KPNA7: variants seen among roughly 807,000 people sequenced by gnomAD.
KPNA7 encodes karyopherin subunit alpha 7, also known as importin subunit alpha-8.
In KPNA7, 54 loss-of-function variants were observed where a neutral mutation model predicts 53.7. The ratio of observed to expected loss-of-function variants is 1.01; its 90% CI spans 0.81 to 1.26. KPNA7 has a LOEUF of 1.26. KPNA7 is among the 50% of genes most tolerant of loss of function. The probability of loss-of-function intolerance (pLI) is 0.00; values close to 1 mark genes in which losing one functional copy is unlikely to be tolerated. For synonymous variants in KPNA7, 276 were observed against 259.3 expected (o/e 1.06, Z -0.62); for missense variants, 640 against 644.5 (o/e 0.99, Z 0.07).
chr7:99,214,327 A>C (rs947539498), intron 1 of KPNA7, among the ~76,000 whole-genome samples: 2 of 151,002 alleles, frequency 1.3e-5, no homozygotes, highest in Non-Finnish European at 2.9e-5. Flanking sequence ...CCTGTAGTCC[A>C]AGCTACTTGG....
chr7:99,167,424 C>T, the KPNA7 span, among the ~76,000 whole-genome samples: 1 of 152,026 alleles, frequency 6.6e-6, no homozygotes, highest in Non-Finnish European at 1.5e-5. Flanking sequence ...GGAGAGAGAA[C>T]CCTATTGTGA....
upstream of KPNA7, among the ~76,000 whole-genome samples, chr7:99,209,682 C>CAAAAAAAAAAAAAAAAAAAA (rs60377276): frequency 1.4e-5 from 1 of 73,520 alleles, no homozygotes. Context: ...GACTCCAACT[C>CAAAAAAAAAAAAAAAAAAAA]AAAAAAAAAA....
chr7:99,207,762 G>C (rs1317916734), intron 1 of KPNA7, among the ~76,000 whole-genome samples: 2 of 149,884 alleles, frequency 1.3e-5, no homozygotes, highest in Non-Finnish European at 3.0e-5. Context: ...CAGCCTCCCA[G>C]GTAGCTGGGA....
chr7:99,189,208 G>A (rs1287123111), intron 6 of KPNA7, among the ~76,000 whole-genome samples: 2 of 152,136 alleles, frequency 1.3e-5, no homozygotes, highest in East Asian at 1.9e-4. Flanking sequence ...CTACTGGCAT[G>A]TCATCCCCAG....
At chr7:99,212,648 C>T (rs117515328), upstream of KPNA7, among the ~76,000 whole-genome samples, 4 of 152,054 alleles carry the variant, frequency 2.6e-5, no homozygotes, top group Non-Finnish European at 4.4e-5. Context: ...ATAGTCTCAA[C>T]GCTTTGGGAG....
chr7:99,171,782 G>A (rs545507999), downstream of KPNA7, among the ~76,000 whole-genome samples: 4 of 152,198 alleles, frequency 2.6e-5, no homozygotes, highest in South Asian at 8.3e-4. Context: ...ACAAGCACAG[G>A]CAGGTGTGAG....
intron 3 of KPNA7, among the ~76,000 whole-genome samples, chr7:99,197,897 G>A (rs1453874570): frequency 1.3e-5 from 2 of 151,910 alleles, no homozygotes; most frequent in Non-Finnish European, 2.9e-5. Flanking sequence ...GAGGGAAAGA[G>A]GCAGAAAGTA....
At chr7:99,160,757 A>G in the KPNA7 span, among the ~76,000 whole-genome samples, 12 of 152,148 alleles carry the variant, frequency 7.9e-5, no homozygotes, top group Non-Finnish European at 1.5e-4. Context: ...GTGGATGAGT[A>G]GGGAAGCCAG....
chr7:99,203,321 T>G (rs570413552), intron 2 of KPNA7, 81 bp from the exon 3 acceptor site: 81 of 1,415,724 alleles, frequency 5.7e-5, no homozygotes, highest in Admixed American at 4.7e-4. Context: ...TTTCAAAGCA[T>G]CCAATTTCAT....
intron 8 of KPNA7, among the ~76,000 whole-genome samples, chr7:99,183,822 G>A (rs919414965): frequency 6.6e-6 from 1 of 152,154 alleles, no homozygotes; most frequent in Non-Finnish European, 1.5e-5. Flanking sequence ...CAAAAGGGGA[G>A]TACAAATCAG....
chr7:99,207,037 C>T (rs183944289), intron 2 of KPNA7, among the ~76,000 whole-genome samples: 94 of 151,182 alleles, frequency 6.2e-4, no homozygotes, highest in African/African-American at 2.1e-3. Context: ...CCCTGCCCCC[C>T]GCTATTTTTT....
chr7:99,199,418 CTG>C (rs1263350577), intron 3 of KPNA7, among the ~76,000 whole-genome samples: 11 of 152,250 alleles, frequency 7.2e-5, no homozygotes, highest in African/African-American at 2.6e-4. Flanking sequence ...TGGAAGAGAA[CTG>C]AGAGTCCACA....
chr7:99,168,750 G>C (rs190233005), downstream of KPNA7, among the ~76,000 whole-genome samples: 3 of 152,132 alleles, frequency 2.0e-5, no homozygotes, highest in Admixed American at 6.6e-5. Context: ...CTTCCACCTC[G>C]GTCTCCTGAG....
chr7:99,146,977 C>T, the KPNA7 span, among the ~76,000 whole-genome samples: 14 of 152,182 alleles, frequency 9.2e-5, no homozygotes, highest in East Asian at 1.9e-4. Flanking sequence ...ATCAAAAAAT[C>T]GTAAGTCAAA....
At chr7:99,172,722 C>A (rs1015354282), downstream of KPNA7, among the ~76,000 whole-genome samples, 2 of 152,094 alleles carry the variant, frequency 1.3e-5, no homozygotes, top group Non-Finnish European at 2.9e-5. Flanking sequence ...GCCAGTAACA[C>A]TGTCCCTGCA....
chr7:99,177,184 G>A (rs1415533629), intron 10 of KPNA7, among the ~76,000 whole-genome samples: 1 of 152,172 alleles, frequency 6.6e-6, no homozygotes. Flanking sequence ...AATTCATAGA[G>A]ACAGAAAGCA....
At chr7:99,210,841 C>T (rs1439685387), upstream of KPNA7, among the ~76,000 whole-genome samples, 1 of 152,014 alleles carries the variant, frequency 6.6e-6, no homozygotes, top group African/African-American at 2.4e-5. Flanking sequence ...CCCCCTCAGC[C>T]TCCCAAAGCA....
chr7:99,146,711 TAAAAAAAAAAAAAAAAAAAAAAAA>T, the KPNA7 span, among the ~76,000 whole-genome samples: 4 of 70,446 alleles, frequency 5.7e-5, no homozygotes, highest in African/African-American at 1.1e-4. Flanking sequence ...GACTGTGTCT[TAAAAAAAAAAAAAAAAAAAAAAAA>T]AAAAAAAAAA....
chr7:99,196,082 A>G lies in KPNA7; in HGVS notation c.284+2T>C, dbSNP rs982000394. The stretch of plus-strand genomic sequence containing the variant: ...CAACAGCAGAAGTCTGTTTGGAGAT[A>G]CCTGGCTGTCTGGGTGGCCTGGAAA... On this transcript the variant is annotated splice_donor_variant, in intron 4 of 10. Transcript: ENST00000327442. LOFTEE classifies it high-confidence loss of function. The G allele has an allele frequency of 4.5e-6, 7 of 1,550,712 alleles. No homozygotes were observed. The Admixed American group carries it at 5.9e-5, about 13-fold the overall frequency.
Sources: gnomAD v4.1 joint callset for allele counts (sites outside exome capture counted in the v4.1 genomes callset) on GRCh38, gnomAD v4.1.1 for gene constraint, MANE v1.5 for transcripts, NCBI Gene and HGNC (gene_info 2026-07-23, HGNC 2026-07-21) for gene names.